The following KIAA1217 variants were observed in gnomAD, a reference collection of about 807,000 sequenced individuals.
KIAA1217 encodes KIAA1217.
A neutral mutation model predicts 163.9 loss-of-function variants in KIAA1217; 88 were observed. That is an observed-to-expected ratio of 0.54 (90% CI 0.45 to 0.64). KIAA1217 has a LOEUF of 0.64. Ranked by LOEUF, KIAA1217 falls within the 30% of genes least tolerant of loss-of-function variation. The probability of loss-of-function intolerance (pLI) is 0.00; values close to 1 mark genes in which losing one functional copy is unlikely to be tolerated. For missense variants in KIAA1217, 2,372 were observed against 2,475.0 expected, an observed-to-expected ratio of 0.96 and a Z score of 0.88; for synonymous variants, 903 against 923.1, an observed-to-expected ratio of 0.98 and a Z score of 0.39.
At chr10:23,884,822 A>T (rs1261897205) in intron 1 of KIAA1217, among the ~76,000 whole-genome samples, 1 of 151,912 alleles carries the variant, frequency 6.6e-6, no homozygotes, top group Non-Finnish European at 1.5e-5. Flanking sequence ...CTTGCTTACT[A>T]GTTTCCTGTT....
intron 2 of KIAA1217, among the ~76,000 whole-genome samples, chr10:24,040,609 T>C (rs541173779): frequency 1.3e-5 from 2 of 152,336 alleles, no homozygotes; most frequent in Admixed American, 1.3e-4. Flanking sequence ...CAGCAGTATT[T>C]GCAAACGTGG....
chr10:24,496,731 A>G (rs1214156967), intron 8 of KIAA1217, among the ~76,000 whole-genome samples: 1 of 152,192 alleles, frequency 6.6e-6, no homozygotes, highest in African/African-American at 2.4e-5. Context: ...TCATAGTCCA[A>G]ATGCCTCCCA....
chr10:23,951,362 T>C (rs1249165045), intron 1 of KIAA1217, among the ~76,000 whole-genome samples: 1 of 152,160 alleles, frequency 6.6e-6, no homozygotes, highest in Non-Finnish European at 1.5e-5. Context: ...AGTAAAATGA[T>C]TGGCCCAAGG....
chr10:24,155,189 A>G (rs2064819374), intron 2 of KIAA1217, among the ~76,000 whole-genome samples: 1 of 152,164 alleles, frequency 6.6e-6, no homozygotes, highest in Admixed American at 6.5e-5. Flanking sequence ...TGCACTCCCA[A>G]ACAACTCCTG....
chr10:23,910,368 C>A (rs768995793), intron 1 of KIAA1217, among the ~76,000 whole-genome samples: 1 of 151,956 alleles, frequency 6.6e-6, no homozygotes, highest in Non-Finnish European at 1.5e-5. Flanking sequence ...AGTAAAATGG[C>A]CTTCTGAAGA....
At chr10:24,200,243 C>T (rs541653180) in intron 2 of KIAA1217, among the ~76,000 whole-genome samples, 4 of 150,560 alleles carry the variant, frequency 2.7e-5, no homozygotes, top group South Asian at 2.1e-4. Flanking sequence ...GATGGGGCCT[C>T]GCTGTTTCCT....
chr10:24,365,302 C>T lies in KIAA1217; in HGVS notation c.355-15567C>T, dbSNP rs555343224. Among the ~76,000 whole-genome samples the T allele has an allele frequency of 8.5e-5, 13 of 152,270 alleles. No individual in the cohort carries two copies. In the South Asian group the frequency reaches 2.5e-3, roughly 29 times the overall value. Reference sequence around the variant, plus strand: ...CTCCGGTCTCTTCCATTACCACTTTCCATTCCTGGTCCTCTCTGAAGGGCT... The same window carrying T: ...CTCCGGTCTCTTCCATTACCACTTTTCATTCCTGGTCCTCTCTGAAGGGCT... On this transcript the variant is annotated intron_variant, in intron 2 of 20. Coordinates refer to ENST00000376454, the MANE Select transcript of KIAA1217 (RefSeq NM_019590.5).
chr10:23,864,523 AACACACACACACAC>A (rs10544205), intron 1 of KIAA1217, among the ~76,000 whole-genome samples: 5 of 147,238 alleles, frequency 3.4e-5, no homozygotes, highest in South Asian at 2.2e-4. Context: ...TACACACACC[AACACACACACACAC>A]ACACACACAC....
chr10:24,468,724 G>T (rs998335541), intron 5 of KIAA1217, among the ~76,000 whole-genome samples: 37 of 152,144 alleles, frequency 2.4e-4, no homozygotes, highest in Non-Finnish European at 4.3e-4. Context: ...GTCCCATTCT[G>T]GTTGGTTGGT....
chr10:23,807,483 G>A (rs1370757896), intron 1 of KIAA1217, among the ~76,000 whole-genome samples: 2 of 152,258 alleles, frequency 1.3e-5, no homozygotes, highest in African/African-American at 4.8e-5. Context: ...GGGATTAAGA[G>A]TGTGGCTACA....
At chr10:24,412,642 G>T (rs556225877) in intron 3 of KIAA1217, among the ~76,000 whole-genome samples, 2 of 152,224 alleles carry the variant, frequency 1.3e-5, no homozygotes, top group East Asian at 3.9e-4. Context: ...GACCTCACTG[G>T]CTGGTCCTCC....
intron 1 of KIAA1217, among the ~76,000 whole-genome samples, chr10:23,903,423 C>T (rs1309739088): frequency 6.6e-6 from 1 of 152,020 alleles, no homozygotes; most frequent in Non-Finnish European, 1.5e-5. Flanking sequence ...CAAAGTCTTA[C>T]ATTACACAGG....
intron 2 of KIAA1217, among the ~76,000 whole-genome samples, chr10:24,176,619 A>G (rs1055474002): frequency 6.6e-6 from 1 of 152,240 alleles, no homozygotes; most frequent in Non-Finnish European, 1.5e-5. Context: ...GCTAGACATA[A>G]AAGTTCTCCA....
intron 17 of KIAA1217, among the ~76,000 whole-genome samples, chr10:24,540,760 T>C (rs1390574478): frequency 6.6e-6 from 1 of 152,194 alleles, no homozygotes; most frequent in Non-Finnish European, 1.5e-5. Flanking sequence ...TAAATTCATT[T>C]ACATATATAT....
intron 10 of KIAA1217, among the ~76,000 whole-genome samples, chr10:24,517,913 T>C (rs1247772673): frequency 6.6e-6 from 1 of 152,152 alleles, no homozygotes; most frequent in Non-Finnish European, 1.5e-5. Flanking sequence ...GAGAATCACT[T>C]GAACCCGGGA....
intron 1 of KIAA1217, among the ~76,000 whole-genome samples, chr10:23,898,615 T>C (rs1841812010): frequency 1.3e-5 from 2 of 152,080 alleles, no homozygotes; most frequent in African/African-American, 2.4e-5. Context: ...GCACATAAAA[T>C]TTACCATCTT....
chr10:24,301,805 G>T (rs1383765655), intron 2 of KIAA1217, among the ~76,000 whole-genome samples: 2 of 152,184 alleles, frequency 1.3e-5, no homozygotes, highest in Non-Finnish European at 2.9e-5. Context: ...AGCACTTTGG[G>T]AGGCTGAGGC....
intron 1 of KIAA1217, among the ~76,000 whole-genome samples, chr10:23,934,625 A>ATATTTTTTT (rs1554826424): frequency 2.9e-5 from 2 of 68,546 alleles, no homozygotes; most frequent in African/African-American, 1.8e-4. Flanking sequence ...ATATATATAT[A>ATATTTTTTT]TTTTTTTTTT....
intron 2 of KIAA1217, among the ~76,000 whole-genome samples, chr10:24,083,833 A>G (rs561298488): frequency 6.6e-6 from 1 of 152,248 alleles, no homozygotes; most frequent in South Asian, 2.1e-4. Flanking sequence ...TAATGAGTGC[A>G]TGATGATGCA....
Sources: gnomAD v4.1 joint callset for allele counts (sites outside exome capture counted in the v4.1 genomes callset) on GRCh38, gnomAD v4.1.1 for gene constraint, MANE v1.5 for transcripts, NCBI Gene and HGNC (gene_info 2026-07-23, HGNC 2026-07-21) for gene names.